Variants in MDN1 observed in about 807,000 individuals in gnomAD.
MDN1 encodes the protein midasin.
MDN1 carries 266 observed loss-of-function variants against 669.2 expected under a neutral mutation model. The observed-to-expected ratio is 0.40, with a 90% CI of 0.36 to 0.44. The LOEUF is 0.44. Among genes scored for constraint, MDN1 ranks in the 20% least tolerant of loss-of-function variants. The pLI is 1.00. For synonymous variants in MDN1, 2,385 were observed against 2,457.1 expected, an observed-to-expected ratio of 0.97 and a Z score of 0.87; for missense variants, 5,940 against 6,754.0, an observed-to-expected ratio of 0.88 and a Z score of 4.22.
chr6:89,805,415 G>A (rs980710282), intron 1 of MDN1, among the ~76,000 whole-genome samples: 32 of 152,192 alleles, frequency 2.1e-4, no homozygotes, highest in African/African-American at 7.2e-4. Context: ...GGTGGCATGC[G>A]CCTGTAGTCT....
At position 89,695,747 on chromosome 6, in the gene MDN1, C is replaced by T; in HGVS notation, c.9629G>A (p.Ser3210Asn). ...SLHHFVGEGE[S>N]KRSLPEPAQR... is the part of the protein sequence containing the mutation. The stretch of plus-strand genomic sequence containing the variant: ...GGCTGGCTCAGGCAGGCTCCTCTTA[C>T]TCTCCCCTTCACCAACAAAGTGGTG... The change falls in exon 61 of 102, where the codon AGT (serine) becomes AAT (asparagine). Residue 3210 changes from serine to asparagine, a missense_variant. Physicochemically the swap from Ser to Asn is conservative, Grantham distance 46. This residue lies in a region of MDN1 where 2,292 missense variants were observed against 2,638.3 expected (regional missense o/e 0.87). Coordinates refer to ENST00000369393, the MANE Select transcript of MDN1 (RefSeq NM_014611.3). This position sits in a 1 kb window ranked among gnomAD's most constrained non-coding sequence, Gnocchi z 4.1. 6.2e-7 allele frequency: 1 copy of T among 1,613,758 alleles called. No individual in the cohort carries two copies. The highest frequency in any genetic ancestry group is 1.3e-5 in the African/African-American group (1 of 75,058).
At chr6:89,696,319 A>G (rs1018217033) in intron 60 of MDN1, 41 bp downstream of exon 60, 1 of 1,592,512 alleles carries the variant, frequency 6.3e-7, no homozygotes, top group Non-Finnish European at 8.6e-7. Flanking sequence ...TGTGGAGAAA[A>G]GACAGGAACT....
At chr6:89,811,464 G>T (rs1768410610) in intron 1 of MDN1, among the ~76,000 whole-genome samples, 1 of 151,474 alleles carries the variant, frequency 6.6e-6, no homozygotes, top group Non-Finnish European at 1.5e-5. Context: ...TTAAGATAGG[G>T]TCTCACTCTG....
intron 17 of MDN1, among the ~76,000 whole-genome samples, chr6:89,760,399 GAA>G (rs1470636041): frequency 6.6e-6 from 1 of 152,122 alleles, no homozygotes; most frequent in Non-Finnish European, 1.5e-5. Flanking sequence ...CATGGTGAGA[GAA>G]AGAATCCAGA....
intron 79 of MDN1, among the ~76,000 whole-genome samples, chr6:89,673,805 T>C (rs997234041): frequency 2.6e-5 from 4 of 152,198 alleles, no homozygotes; most frequent in Non-Finnish European, 5.9e-5. Context: ...TTTGGTGTGA[T>C]AGGCTTTTAT....
At chr6:89,740,872 A>G (rs191688146) in intron 31 of MDN1, among the ~76,000 whole-genome samples, 28 of 152,332 alleles carry the variant, frequency 1.8e-4, no homozygotes, top group African/African-American at 6.0e-4. Context: ...GAGACAAAAA[A>G]GAGATTAATC....
At chr6:89,661,983 T>C (rs1809800091) in intron 87 of MDN1, 104 bp downstream of exon 87, 7 of 1,332,714 alleles carry the variant, frequency 5.3e-6, no homozygotes, top group Admixed American at 2.3e-5. Context: ...GGGAGAGCAG[T>C]CGACGAACAG....
chr6:89,680,584 C>T lies in MDN1; in HGVS notation c.12265+5G>A, dbSNP rs1811541416. The T allele has an allele frequency of 6.2e-7, 1 of 1,610,882 alleles. No homozygotes were observed. The highest frequency in any genetic ancestry group is 2.2e-5 in the East Asian group (1 of 44,834). On this transcript the variant is annotated splice_donor_5th_base_variant and intron_variant, in intron 74 of 101. Coordinates refer to ENST00000369393, the MANE Select transcript of MDN1 (RefSeq NM_014611.3). ...TCCACCCTTGACTTGGATGCTGGCA[C>T]CCACCTGTGAACTGATCAAGGCCCT...
chr6:89,774,493 C>T lies in MDN1; in HGVS notation c.1934+128G>A, dbSNP rs556450115. The T allele has an allele frequency of 4.7e-5, 30 of 631,632 alleles. 1 individual carries two copies. The South Asian group carries it at 5.4e-4, about 11-fold the overall frequency. 39.1% of individuals were successfully genotyped at this position (631,632 alleles called of 1,614,324 possible). ...TACTTTGGGAAAACACTGCTCCTTC[C>T]CATATAGCATACTACAGATATCACA... is the stretch of plus-strand genomic sequence containing the variant. On this transcript the variant is annotated intron_variant, in intron 13 of 101. Transcript: ENST00000369393.
intron 83 of MDN1, among the ~76,000 whole-genome samples, chr6:89,670,161 TATATA>T (rs1412486561): frequency 2.0e-3 from 50 of 25,144 alleles, no homozygotes; most frequent in Non-Finnish European, 2.8e-3. Context: ...TATATATATA[TATATA>T]TATATTTTTT....
At chr6:89,796,828 G>A (rs553202184) in intron 2 of MDN1, among the ~76,000 whole-genome samples, 1 of 152,248 alleles carries the variant, frequency 6.6e-6, no homozygotes, top group African/African-American at 2.4e-5. Context: ...CAGCACTTTG[G>A]GAGGCTGAGG....
chr6:89,778,216 A>AT, intron 11 of MDN1, among the ~76,000 whole-genome samples: 1 of 151,708 alleles, frequency 6.6e-6, no homozygotes, highest in East Asian at 1.9e-4. Flanking sequence ...AAAAAAAAAA[A>AT]AGAGAAAACA....
In MDN1 at chr6:89,656,792, T is replaced by G. The variant is rs762435076; in HGVS notation, c.15193A>C (p.Ser5065Arg). The change falls in exon 91 of 102, where the codon AGT becomes CGT. Residue 5065 changes from serine (S) to arginine (R), a missense_variant. By Grantham distance (110) the Ser-to-Arg change is moderately radical. Coordinates refer to ENST00000369393, the MANE Select transcript of MDN1 (RefSeq NM_014611.3). ...GCCTGGTTTGCATCTGCAGCTCCAC[T>G]TCCGTGTTCCTAGGAAATCCAAGCC... is the stretch of plus-strand genomic sequence containing the variant. ...EKEQGKEEHG[S>R]GAADANQAEG... 4 of 1,612,394 alleles carry G rather than the reference T, an allele frequency of 2.5e-6. No individual in the cohort carries two copies. Among genetic ancestry groups the G allele is most frequent in the Middle Eastern group, 1.7e-4 (1 of 6,056 alleles).
rs1209204714 is a variant in MDN1 at position 89,675,508 on chromosome 6, C to T, written c.12717G>A (p.Gln4239=). Reference sequence around the variant, plus strand: ...CACTGAGCGTGGTCAGGGAGCGCCGCTGTCGGACGAGCATCTTCATCAAAT... The same window carrying T: ...CACTGAGCGTGGTCAGGGAGCGCCGTTGTCGGACGAGCATCTTCATCAAAT... ...SAHLMKMLVR[Q]RRSLTTLSEQ... is the part of the protein sequence containing the mutation. Residue 4239 remains glutamine, a synonymous_variant, in exon 78 of 102, where the codon CAG becomes CAA. Coordinates refer to ENST00000369393, the MANE Select transcript of MDN1 (RefSeq NM_014611.3). 6.2e-7 allele frequency: 1 copy of T among 1,613,792 alleles called. No homozygotes were observed. Among genetic ancestry groups the T allele is most frequent in the Non-Finnish European group, 8.5e-7 (1 of 1,180,040 alleles).
chr6:89,698,671 T>C (rs1176573210), intron 59 of MDN1, among the ~76,000 whole-genome samples, 194 bp downstream of exon 59: 1 of 152,206 alleles, frequency 6.6e-6, no homozygotes, highest in Non-Finnish European at 1.5e-5. Context: ...TTGACTTATC[T>C]CAAAATTTCA....
chr6:89,702,155 T>C, intron 53 of MDN1, 94 bp from the exon 54 acceptor site: 1 of 1,243,942 alleles, frequency 8.0e-7, no homozygotes, highest in South Asian at 1.7e-5. Context: ...CTCACCAACA[T>C]CTCCCGGGAA....
In MDN1 at chr6:89,672,346, G is replaced by T. The variant is rs2128304230; in HGVS notation, c.13648C>A (p.Gln4550Lys). ...QEDYAGFERLQSGHLTKLLED... is the reference protein window; with the variant it reads ...QEDYAGFERLKSGHLTKLLED... ...AAGAGTTTTGTTAGATGTCCTGATT[G>T]CAGTCTCTCAAAGCCTGCTGCCTCA... The change falls in exon 82 of 102, where the codon CAA (glutamine) becomes AAA (lysine). Residue 4550 changes from glutamine to lysine, a missense_variant. Physicochemically the swap from Gln to Lys is moderately conservative, Grantham distance 53 (BLOSUM62 1). Coordinates refer to ENST00000369393, the MANE Select transcript of MDN1 (RefSeq NM_014611.3). 6.2e-7 allele frequency: 1 copy of T among 1,612,484 alleles called. No individual in the cohort carries two copies. The highest frequency in any genetic ancestry group is 2.2e-5 in the East Asian group (1 of 44,872).
chr6:89,798,820 T>C (rs751787289), intron 2 of MDN1, among the ~76,000 whole-genome samples: 8 of 152,194 alleles, frequency 5.3e-5, no homozygotes, highest in Non-Finnish European at 8.8e-5. Context: ...GGAGAAAACA[T>C]ACCAAAATAT....
intron 5 of MDN1, among the ~76,000 whole-genome samples, chr6:89,791,502 T>G (rs751334262): frequency 6.6e-6 from 1 of 152,292 alleles, no homozygotes; most frequent in East Asian, 1.9e-4. Context: ...TGCAGAAATA[T>G]AAATGAAATG....
Sources: gnomAD v4.1 joint callset for allele counts (sites outside exome capture counted in the v4.1 genomes callset) on GRCh38, gnomAD v4.1.1 for gene constraint, gnomAD v4.1.1 regional missense constraint, Gnocchi (gnomAD v3.1) non-coding constraint, MANE v1.5 for transcripts, NCBI Gene and HGNC (gene_info 2026-07-23, HGNC 2026-07-21) for gene names.